Variants in ASTN2 observed in about 807,000 individuals in gnomAD.
ASTN2 encodes astrotactin 2, also known as astrotactin-2.
ASTN2 carries 54 observed loss-of-function variants against 139.8 expected under a neutral mutation model. The observed-to-expected ratio is 0.39, with a 90% CI of 0.31 to 0.48. The LOEUF (loss-of-function observed/expected upper bound fraction) is 0.48. Ranked by LOEUF, ASTN2 falls within the 20% of genes least tolerant of loss-of-function variation. ASTN2 has a pLI of 0.95. For missense variants in ASTN2, 1,565 were observed against 1,725.1 expected, an observed-to-expected ratio of 0.91 and a Z score of 1.64; for synonymous variants, 756 against 719.5, an observed-to-expected ratio of 1.05 and a Z score of -0.81.
intron 5 of ASTN2, among the ~76,000 whole-genome samples, chr9:117,088,351 C>T (rs1335891578): frequency 6.6e-6 from 1 of 152,190 alleles, no homozygotes; most frequent in Non-Finnish European, 1.5e-5. Context: ...AGATGCTCAG[C>T]TTTCACTTCA....
intron 6 of ASTN2, among the ~76,000 whole-genome samples, chr9:117,016,010 T>C (rs1225952501): frequency 6.6e-6 from 1 of 152,194 alleles, no homozygotes; most frequent in African/African-American, 2.4e-5. Context: ...CAGAGATATA[T>C]TGTATATCTG....
At chr9:116,449,188 A>G (rs1034580048) in intron 20 of ASTN2, among the ~76,000 whole-genome samples, 1 of 152,132 alleles carries the variant, frequency 6.6e-6, no homozygotes, top group African/African-American at 2.4e-5. Flanking sequence ...GGTGGATTGC[A>G]TGAGCCCAGG....
chr9:116,813,778 T>A (rs1463138070), intron 12 of ASTN2, among the ~76,000 whole-genome samples: 1 of 152,180 alleles, frequency 6.6e-6, no homozygotes, highest in Non-Finnish European at 1.5e-5. Flanking sequence ...CTCATGCCTA[T>A]AATCCCAGCA....
At chr9:116,601,024 T>C (rs2131758597) in intron 19 of ASTN2, among the ~76,000 whole-genome samples, 1 of 152,298 alleles carries the variant, frequency 6.6e-6, no homozygotes, top group South Asian at 2.1e-4. Context: ...GAAAGGCAAA[T>C]GCTACATTCC....
intron 16 of ASTN2, among the ~76,000 whole-genome samples, chr9:116,718,139 A>G (rs1234423191): frequency 6.6e-6 from 1 of 152,242 alleles, no homozygotes; most frequent in Non-Finnish European, 1.5e-5. Context: ...GGATCCTGAC[A>G]TAGCCTGAGG....
chr9:117,072,433 G>A (rs891633479), intron 5 of ASTN2, among the ~76,000 whole-genome samples: 2 of 152,218 alleles, frequency 1.3e-5, no homozygotes, highest in Non-Finnish European at 2.9e-5. Context: ...CAATTTGCAA[G>A]TGTTTTGGAT....
At chr9:117,173,220 A>G (rs2132930148) in intron 3 of ASTN2, among the ~76,000 whole-genome samples, 1 of 152,308 alleles carries the variant, frequency 6.6e-6, no homozygotes, top group Non-Finnish European at 1.5e-5. Context: ...TCACTTAGCA[A>G]TCTGGCCCCA....
intron 3 of ASTN2, among the ~76,000 whole-genome samples, chr9:117,149,407 G>A (rs1252185630): frequency 1.3e-5 from 2 of 151,924 alleles, no homozygotes; most frequent in African/African-American, 4.8e-5. Context: ...ATAGGGTGTT[G>A]TGTGTGTTTG....
chr9:117,353,810 C>T (rs1829459175), intron 1 of ASTN2, among the ~76,000 whole-genome samples: 1 of 152,122 alleles, frequency 6.6e-6, no homozygotes, highest in African/African-American at 2.4e-5. Flanking sequence ...GAAAAGGCCA[C>T]ACACTCTATG....
rs367672736 is a variant in ASTN2, at chr9:117,011,838, C to T, written c.1424-3579G>A. On this transcript the variant is annotated intron_variant, in intron 6 of 22. Transcript: ENST00000313400. ...ACTTAAACCAAGATTTTTCAGCCTT[C>T]GAAGCTGGAACATTTGCCTTTCTTC... 4.0e-4 allele frequency among the ~76,000 whole-genome samples: 61 copies of T among 152,250 alleles called. 1 individual carries two copies. In the South Asian group the frequency reaches 0.01, roughly 26 times the overall value.
intron 2 of ASTN2, among the ~76,000 whole-genome samples, chr9:117,274,412 G>T (rs1012410773): frequency 6.6e-6 from 1 of 152,232 alleles, no homozygotes; most frequent in Admixed American, 6.5e-5. Context: ...TTAATCTGAG[G>T]GCTTCCCAAG....
At chr9:116,892,251 T>C (rs1255937854) in intron 10 of ASTN2, among the ~76,000 whole-genome samples, 9 of 152,248 alleles carry the variant, frequency 5.9e-5, no homozygotes, top group Non-Finnish European at 1.0e-4. Flanking sequence ...TTGCAATTCT[T>C]CACATATAAT....
At chr9:117,157,568 G>T (rs566500728) in intron 3 of ASTN2, among the ~76,000 whole-genome samples, 1 of 152,024 alleles carries the variant, frequency 6.6e-6, no homozygotes, top group African/African-American at 2.4e-5. Flanking sequence ...ATCTGTCTGG[G>T]TGACTTTAGC....
intron 1 of ASTN2, among the ~76,000 whole-genome samples, chr9:117,300,194 TG>T (rs1423944742): frequency 1.3e-5 from 2 of 152,226 alleles, no homozygotes; most frequent in Non-Finnish European, 2.9e-5. Context: ...AAGGATAGAT[TG>T]GAGGAAAAGA....
At chr9:116,516,842 C>T (rs1480898983) in intron 19 of ASTN2, among the ~76,000 whole-genome samples, 8 of 152,174 alleles carry the variant, frequency 5.3e-5, no homozygotes, top group Admixed American at 5.2e-4. Context: ...CCTGTGACTG[C>T]TGGCTTTCCC....
intron 22 of ASTN2, among the ~76,000 whole-genome samples, chr9:116,429,210 A>T (rs1165925374): frequency 3.3e-5 from 5 of 152,028 alleles, no homozygotes; most frequent in Non-Finnish European, 5.9e-5. Context: ...CTTGTGGTGT[A>T]TGCCTGTAAT....
intron 6 of ASTN2, among the ~76,000 whole-genome samples, chr9:117,027,703 C>A (rs957107083): frequency 6.6e-6 from 1 of 152,222 alleles, no homozygotes; most frequent in Non-Finnish European, 1.5e-5. Flanking sequence ...GCTTCCCTGA[C>A]AACCTGGCTG....
At chr9:116,821,729 C>T (rs907531549) in intron 11 of ASTN2, among the ~76,000 whole-genome samples, 1 of 152,090 alleles carries the variant, frequency 6.6e-6, no homozygotes, top group South Asian at 2.1e-4. Context: ...CTCCCCATAG[C>T]CCTCTGGTCC....
intron 11 of ASTN2, among the ~76,000 whole-genome samples, chr9:116,862,589 G>GA (rs1204424384): frequency 6.6e-6 from 1 of 152,146 alleles, no homozygotes; most frequent in Non-Finnish European, 1.5e-5. Context: ...GAAGGTACAA[G>GA]AAAAGGTTCT....
Sources: allele counts gnomAD v4.1 joint callset (sites outside exome capture counted in the v4.1 genomes callset), GRCh38; gene constraint gnomAD v4.1.1; transcripts MANE v1.5; gene names NCBI Gene and HGNC (gene_info 2026-07-23, HGNC 2026-07-21).